The following NTM variants were observed in gnomAD, a reference collection of about 807,000 sequenced individuals.
NTM encodes IgLON family member 2.
In NTM, 13 loss-of-function variants were observed where a neutral mutation model predicts 42.1. The observed-to-expected ratio is 0.31, with a 90% CI of 0.20 to 0.49. The LOEUF is 0.49. NTM is among the 20% of genes least tolerant of loss of function. The pLI, the probability that NTM is intolerant of heterozygous loss-of-function variation, is 0.99. For missense variants in NTM, 373 were observed against 452.8 expected (o/e 0.82, Z 1.60); for synonymous variants, 187 against 179.2 (o/e 1.04, Z -0.35).
intron 1 of NTM, among the ~76,000 whole-genome samples, chr11:131,551,669 T>C (rs1422491307): frequency 6.6e-6 from 1 of 152,210 alleles, no homozygotes; most frequent in African/African-American, 2.4e-5. Context: ...GACTGCCCTG[T>C]TGATAAATCA....
At chr11:131,950,001 G>C (rs964514437) in intron 2 of NTM, among the ~76,000 whole-genome samples, 1 of 152,066 alleles carries the variant, frequency 6.6e-6, no homozygotes, top group African/African-American at 2.4e-5. Context: ...TCTCTGTTTT[G>C]TTTCCTTCCC....
intron 1 of NTM, among the ~76,000 whole-genome samples, chr11:131,376,370 C>G (rs1941975653): frequency 6.6e-6 from 1 of 152,164 alleles, no homozygotes; most frequent in Non-Finnish European, 1.5e-5. Flanking sequence ...CTACTTGCCC[C>G]TCCTTTCTCT....
At chr11:131,475,643 T>G (rs1952853097) in intron 1 of NTM, among the ~76,000 whole-genome samples, 1 of 152,124 alleles carries the variant, frequency 6.6e-6, no homozygotes, top group African/African-American at 2.4e-5. Flanking sequence ...TGAGGAAATA[T>G]AAATATTTTT....
At chr11:131,693,287 G>A (rs1011045839) in intron 1 of NTM, among the ~76,000 whole-genome samples, 3 of 152,066 alleles carry the variant, frequency 2.0e-5, no homozygotes, top group African/African-American at 7.2e-5. Flanking sequence ...GAGGGATGAG[G>A]AAAAAAATCT....
intron 1 of NTM, among the ~76,000 whole-genome samples, chr11:131,559,640 T>C (rs2136986183): frequency 6.6e-6 from 1 of 152,344 alleles, no homozygotes; most frequent in South Asian, 2.1e-4. Flanking sequence ...TAATCAGGCC[T>C]CTCCCAAAAC....
At chr11:131,588,253 G>A (rs1029633650) in intron 1 of NTM, among the ~76,000 whole-genome samples, 2 of 152,232 alleles carry the variant, frequency 1.3e-5, no homozygotes, top group African/African-American at 4.8e-5. Context: ...CGTCTGCACA[G>A]GGCTTCCTCA....
chr11:131,474,218 A>G (rs12575010), intron 1 of NTM, among the ~76,000 whole-genome samples: 62,413 of 151,778 alleles, frequency 0.41, 16,955 homozygotes, highest in East Asian at 0.75. Context: ...ACATATCCAC[A>G]TCTCTCACCT....
intron 4 of NTM, among the ~76,000 whole-genome samples, chr11:132,244,411 CAAACTTAGTTTAAT>C (rs1421250563): frequency 6.6e-6 from 1 of 152,210 alleles, no homozygotes; most frequent in Non-Finnish European, 1.5e-5. Context: ...CAGCACTCCT[CAAACTTAGTTTAAT>C]AACGCAACAG....
intron 2 of NTM, among the ~76,000 whole-genome samples, chr11:132,010,756 G>A (rs896813985): frequency 3.9e-5 from 6 of 151,936 alleles, no homozygotes; most frequent in South Asian, 2.1e-4. Flanking sequence ...CCTGTAAAGC[G>A]TTTCCACTCT....
intron 1 of NTM, among the ~76,000 whole-genome samples, chr11:131,857,729 G>A (rs2136919147): frequency 6.6e-6 from 1 of 152,220 alleles, no homozygotes; most frequent in Admixed American, 6.5e-5. Flanking sequence ...CATTGCTAAA[G>A]CCTTAATCCT....
At chr11:131,445,105 T>C (rs976838412) in intron 1 of NTM, among the ~76,000 whole-genome samples, 1 of 152,354 alleles carries the variant, frequency 6.6e-6, no homozygotes. Flanking sequence ...TGATGATCCT[T>C]ATTATAGCCA....
At chr11:132,120,647 T>C (rs1210252530) in intron 2 of NTM, among the ~76,000 whole-genome samples, 1 of 152,228 alleles carries the variant, frequency 6.6e-6, no homozygotes, top group Non-Finnish European at 1.5e-5. Flanking sequence ...CTTCATCTGG[T>C]AGTAGGCATA....
chr11:132,242,080 G>T (rs990225832), intron 4 of NTM, among the ~76,000 whole-genome samples: 3 of 152,180 alleles, frequency 2.0e-5, no homozygotes, highest in Admixed American at 6.5e-5. Flanking sequence ...ATCTCATTCG[G>T]TTATTTTTCT....
At chr11:131,506,239 G>T (rs390914) in intron 1 of NTM, among the ~76,000 whole-genome samples, 20,451 of 151,934 alleles carry the variant, frequency 0.13, 2,278 homozygotes, top group African/African-American at 0.3. Context: ...TACCTCATTC[G>T]GAGGGCTTTT....
intron 1 of NTM, among the ~76,000 whole-genome samples, chr11:131,847,060 G>C (rs1469671803): frequency 6.6e-6 from 1 of 152,132 alleles, no homozygotes; most frequent in Non-Finnish European, 1.5e-5. Context: ...CTGCTTCTGT[G>C]ACTGCAGATT....
chr11:132,328,200 A>G (rs954241313), intron 7 of NTM, among the ~76,000 whole-genome samples: 1 of 152,190 alleles, frequency 6.6e-6, no homozygotes, highest in African/African-American at 2.4e-5. Flanking sequence ...TGGAATGAGC[A>G]TGATGGGTTT....
intron 2 of NTM, among the ~76,000 whole-genome samples, chr11:132,129,775 G>A (rs2066496684): frequency 6.6e-6 from 1 of 152,216 alleles, no homozygotes; most frequent in South Asian, 2.1e-4. Context: ...ACCAAGAAGA[G>A]CATACAGTAC....
At chr11:131,855,501 C>T (rs990975575) in intron 1 of NTM, among the ~76,000 whole-genome samples, 2 of 152,166 alleles carry the variant, frequency 1.3e-5, no homozygotes, top group African/African-American at 4.8e-5. Flanking sequence ...ACAGATAACA[C>T]ACAAAAAAAC....
intron 1 of NTM, among the ~76,000 whole-genome samples, chr11:131,756,162 G>T (rs187126897): frequency 6.6e-6 from 1 of 152,272 alleles, no homozygotes; most frequent in East Asian, 1.9e-4. Flanking sequence ...TGTCAGTGGT[G>T]GTAGGAAGGG....
Sources: gnomAD v4.1 joint callset for allele counts (sites outside exome capture counted in the v4.1 genomes callset) on GRCh38, gnomAD v4.1.1 for gene constraint, MANE v1.5 for transcripts, NCBI Gene and HGNC (gene_info 2026-07-23, HGNC 2026-07-21) for gene names.